ITGB2: variants seen among roughly 807,000 people sequenced by gnomAD.
ITGB2 encodes integrin beta-2.
In ITGB2, 56 loss-of-function variants were observed where a neutral mutation model predicts 86.8. The ratio of observed to expected loss-of-function variants is 0.65; its 90% CI spans 0.52 to 0.81. The LOEUF is 0.81. ITGB2 is among the 30% of genes least tolerant of loss of function. ITGB2 has a pLI of 0.00. For missense variants in ITGB2, 948 were observed against 1,061.2 expected (o/e 0.89, Z 1.48); for synonymous variants, 457 against 450.4 (o/e 1.01, Z -0.19).
At chr21:44,912,691 C>T (rs2084151418) in intron 1 of ITGB2, among the ~76,000 whole-genome samples, 1 of 152,116 alleles carries the variant, frequency 6.6e-6, no homozygotes, top group South Asian at 2.1e-4. Flanking sequence ...CCATCTGGGC[C>T]CCCTCAAAGT....
intron 1 of ITGB2, among the ~76,000 whole-genome samples, chr21:44,926,396 G>A (rs1481981048): frequency 6.6e-6 from 1 of 152,232 alleles, no homozygotes; most frequent in Non-Finnish European, 1.5e-5. Context: ...GCTGCACGGA[G>A]TGAAAAATCA....
chr21:44,886,936 C>T (rs769822303), intron 14 of ITGB2, 34 bp from the exon 15 acceptor site: 6 of 1,608,566 alleles, frequency 3.7e-6, no homozygotes, highest in East Asian at 4.5e-5. Context: ...AGCGTCAGTC[C>T]AGCCCCATCT....
chr21:44,919,900 G>C (rs565877054), intron 1 of ITGB2, among the ~76,000 whole-genome samples: 1 of 152,318 alleles, frequency 6.6e-6, no homozygotes, highest in East Asian at 1.9e-4. Flanking sequence ...GGCCCCAAGA[G>C]TGCAGTGTTG....
In ITGB2 at chr21:44,889,475, C is replaced by T. The variant is rs747266748; in HGVS notation, c.1678G>A (p.Gly560Arg). The T allele has an allele frequency of 2.7e-5, 43 of 1,577,778 alleles. No individual in the cohort carries two copies. Among genetic ancestry groups the T allele is most frequent in the South Asian group, 8.0e-5 (7 of 87,326 alleles). The change falls in exon 13 of 16, where the codon GGG becomes AGG. Residue 560 changes from glycine (G) to arginine (R), a missense_variant. Physicochemically the swap from Gly to Arg is moderately radical, Grantham distance 125. Coordinates refer to ENST00000652462, the MANE Select transcript of ITGB2 (RefSeq NM_000211.5). ...GGPGRGLCFC[G>R]KCRCHPGFEG... The stretch of plus-strand genomic sequence containing the variant: ...AAGCCCGGGTGGCAGCGGCACTTCC[C>T]GCAGAAGCAGAGCCCCCTCCCTGGA...
At chr21:44,924,317 C>T (rs865991088), upstream of ITGB2, among the ~76,000 whole-genome samples, 16 of 152,210 alleles carry the variant, frequency 1.1e-4, no homozygotes, top group Middle Eastern at 6.8e-3. Context: ...GTAATCCCAG[C>T]TACTTGGGAG....
chr21:44,925,521 C>A (rs1227058751), upstream of ITGB2, among the ~76,000 whole-genome samples: 2 of 152,022 alleles, frequency 1.3e-5, no homozygotes, highest in African/African-American at 4.8e-5. Flanking sequence ...CACATGAGAA[C>A]CACAGCCCAC....
At chr21:44,905,909 G>C (rs767515969) in intron 4 of ITGB2, among the ~76,000 whole-genome samples, 22 of 152,172 alleles carry the variant, frequency 1.4e-4, no homozygotes, top group Non-Finnish European at 7.4e-5. Context: ...GGCTTCCCCT[G>C]AGGGCAGAGC....
intron 4 of ITGB2, among the ~76,000 whole-genome samples, chr21:44,904,393 T>C (rs2084011582): frequency 6.7e-6 from 1 of 148,958 alleles, no homozygotes; most frequent in Non-Finnish European, 1.5e-5. Flanking sequence ...CACACAATAC[T>C]CACACACAAA....
At chr21:44,907,395 C>T (rs2084060553) in intron 3 of ITGB2, among the ~76,000 whole-genome samples, 1 of 152,244 alleles carries the variant, frequency 6.6e-6, no homozygotes. Context: ...GAGGAGAGGC[C>T]TCAGCGTCCT....
intron 1 of ITGB2, among the ~76,000 whole-genome samples, chr21:44,919,680 G>T (rs1336620642): frequency 6.6e-6 from 1 of 152,306 alleles, no homozygotes; most frequent in East Asian, 1.9e-4. Flanking sequence ...TCGCTCCCAG[G>T]CTGAGCTCTC....
At chr21:44,889,116 G>T (rs996696686) in intron 13 of ITGB2, 160 bp downstream of exon 13, 5 of 430,140 alleles carry the variant, frequency 1.2e-5, no homozygotes, top group Non-Finnish European at 1.8e-5. Context: ...GAGGGACACA[G>T]GGGCACGGCG....
rs371215784 is a variant in ITGB2 at position 44,889,511 on chromosome 21, G to C, written c.1658-16C>G. On this transcript the variant is annotated splice_polypyrimidine_tract_variant and intron_variant, in intron 12 of 15. Coordinates refer to ENST00000652462, the MANE Select transcript of ITGB2 (RefSeq NM_000211.5). ...AGCCCCCTCCCTGGAAGACGGGGCA[G>C]CACGGCTAAGCTCCTGCTTGGCCTG... 4.1e-5 allele frequency: 64 copies of C among 1,547,596 alleles called. No individual in the cohort carries two copies. Among genetic ancestry groups the C allele is most frequent in the Non-Finnish European group, 5.3e-5 (61 of 1,145,232 alleles).
rs114083165 is a variant in ITGB2 at position 44,912,344 on chromosome 21, C to G, written c.-3-1559G>C. 6.0e-3 allele frequency among the ~76,000 whole-genome samples: 914 copies of G among 152,312 alleles called. 7 individuals are homozygous for G. The highest frequency in any genetic ancestry group is 0.02 in the African/African-American group (848 of 41,580). On this transcript the variant is annotated intron_variant, in intron 1 of 15. Transcript: ENST00000652462. ...CTGGCTCCCCTCCATCCCCCGAAAGCCCTGCACCTGTGCTGGGGGCTCTGA... is the reference window on the plus strand; with the variant it reads ...CTGGCTCCCCTCCATCCCCCGAAAGGCCTGCACCTGTGCTGGGGGCTCTGA...
Position 44,889,279 on chromosome 21 carries a change from T to C in ITGB2, c.1874A>G (p.Tyr625Cys). 1 of 1,612,528 alleles carries C rather than the reference T, an allele frequency of 6.2e-7. No homozygotes were observed. Residue 625 changes from tyrosine to cysteine, a missense_variant, in exon 13 of 16, where the codon TAC (tyrosine) becomes TGC (cysteine). Physicochemically the swap from Tyr to Cys is radical, Grantham distance 194. Transcript: ENST00000652462. Reference sequence around the variant, plus strand: ...TGCCTGCTCCGCCTGCACTCACATGTACTTGCCACAGGGTGAGGGGCAGCC... The same window carrying C: ...TGCCTGCTCCGCCTGCACTCACATGCACTTGCCACAGGGTGAGGGGCAGCC... ...CPGCPSPCGK[Y>C]ISCAECLKFE...
chr21:44,908,241 C>A, intron 3 of ITGB2: 5 of 632,516 alleles, frequency 7.9e-6, no homozygotes, highest in South Asian at 7.0e-5. Context: ...TGAGACACCA[C>A]TTCTCCTGCT....
intron 15 of ITGB2, 114 bp from the exon 16 acceptor site, chr21:44,886,544 T>A: frequency 7.1e-7 from 1 of 1,414,098 alleles, no homozygotes; most frequent in Non-Finnish European, 1.0e-6. Context: ...GAGCTAGACG[T>A]GGGGCAGCCC....
chr21:44,910,461 C>T, intron 2 of ITGB2, 89 bp from the exon 3 acceptor site: 1 of 1,597,934 alleles, frequency 6.3e-7, no homozygotes, highest in Non-Finnish European at 8.5e-7. Flanking sequence ...CAGAGGAGGC[C>T]CAAAAAGACA....
At chr21:44,925,151 T>TA (rs397715495), upstream of ITGB2, among the ~76,000 whole-genome samples, 1 of 150,318 alleles carries the variant, frequency 6.7e-6, no homozygotes, top group Non-Finnish European at 1.5e-5. Context: ...TTTTTTTTTT[T>TA]AAAGGAGCTA....
chr21:44,889,299 G>A lies in ITGB2; in HGVS notation c.1854C>T (p.Cys618=). 3 of 1,612,772 alleles carry A rather than the reference G, an allele frequency of 1.9e-6. No individual in the cohort carries two copies. The highest frequency in any genetic ancestry group is 2.5e-6 in the Non-Finnish European group (3 of 1,179,828). ...ACATGTACTTGCCACAGGGTGAGGG[G>A]CAGCCGGGGCACTCCTGGCACAGAG... ...QLPLCQECPG[C]PSPCGKYISC... is the part of the protein sequence containing the mutation. The change falls in exon 13 of 16, where the codon TGC becomes TGT. Residue 618 remains cysteine, a synonymous_variant. Transcript: ENST00000652462.
Sources: allele counts gnomAD v4.1 joint callset (sites outside exome capture counted in the v4.1 genomes callset), GRCh38; gene constraint gnomAD v4.1.1; transcripts MANE v1.5; gene names NCBI Gene and HGNC (gene_info 2026-07-23, HGNC 2026-07-21).